The following ADK variants were observed in gnomAD, a reference collection of about 807,000 sequenced individuals.
ADK encodes adenosine kinase, also known as N6,N6-dimethyladenosine kinase.
ADK carries 24 observed loss-of-function variants against 44.7 expected under a neutral mutation model. That is an observed-to-expected ratio of 0.54 (90% CI 0.39 to 0.76). ADK has a LOEUF of 0.76. Ranked by LOEUF, ADK falls within the 30% of genes least tolerant of loss-of-function variation. The pLI is 0.00. For missense variants in ADK, 321 were observed against 425.1 expected, an observed-to-expected ratio of 0.76 and a Z score of 2.15; for synonymous variants, 128 against 142.6, an observed-to-expected ratio of 0.90 and a Z score of 0.73.
chr10:74,562,880 G>C (rs1451853217), intron 7 of ADK, among the ~76,000 whole-genome samples: 1 of 151,944 alleles, frequency 6.6e-6, no homozygotes, highest in Non-Finnish European at 1.5e-5. Context: ...TTTGGATTTT[G>C]TATTCAGTTT....
chr10:74,332,361 T>C (rs1435495843), intron 4 of ADK, among the ~76,000 whole-genome samples: 1 of 152,198 alleles, frequency 6.6e-6, no homozygotes, highest in East Asian at 1.9e-4. Flanking sequence ...TGTCTAGCCA[T>C]AGCTATTCTA....
chr10:74,177,489 A>G (rs911120717), intron 1 of ADK, among the ~76,000 whole-genome samples: 1 of 152,188 alleles, frequency 6.6e-6, no homozygotes, highest in Non-Finnish European at 1.5e-5. Context: ...AGCGAAATCC[A>G]TGAAACTGGA....
intron 2 of ADK, among the ~76,000 whole-genome samples, chr10:74,201,642 GTATA>G (rs760115034): frequency 3.6e-5 from 5 of 140,540 alleles, no homozygotes; most frequent in Admixed American, 7.2e-5. Context: ...GTGTGTGTGT[GTATA>G]TGTATGTATG....
intron 6 of ADK, among the ~76,000 whole-genome samples, chr10:74,476,121 C>A (rs2133324494): frequency 6.6e-6 from 1 of 152,230 alleles, no homozygotes; most frequent in African/African-American, 2.4e-5. Flanking sequence ...ACTTCCTTCT[C>A]TGATAGTGAG....
intron 3 of ADK, among the ~76,000 whole-genome samples, chr10:74,274,024 CAT>C (rs1491470014): frequency 6.6e-6 from 1 of 151,938 alleles, no homozygotes; most frequent in African/African-American, 2.4e-5. Context: ...AAGGCTTAAA[CAT>C]TTTTTTTTTG....
intron 6 of ADK, among the ~76,000 whole-genome samples, chr10:74,476,536 A>G (rs1344608705): frequency 2.6e-5 from 4 of 152,122 alleles, no homozygotes; most frequent in Non-Finnish European, 5.9e-5. Flanking sequence ...TGATAAACCA[A>G]TTTACCAGAA....
chr10:74,470,779 T>C (rs1048576513), intron 6 of ADK, among the ~76,000 whole-genome samples: 1 of 152,092 alleles, frequency 6.6e-6, no homozygotes, highest in African/African-American at 2.4e-5. Context: ...CAATAGTTTG[T>C]AAGTTTGGTA....
chr10:74,421,358 G>C (rs1428490481), intron 6 of ADK, among the ~76,000 whole-genome samples: 1 of 152,160 alleles, frequency 6.6e-6, no homozygotes, highest in African/African-American at 2.4e-5. Flanking sequence ...GTTTCTCACT[G>C]TCAGGAAGGG....
intron 1 of ADK, among the ~76,000 whole-genome samples, chr10:74,177,868 C>A (rs573905576): frequency 2.0e-5 from 3 of 151,002 alleles, no homozygotes; most frequent in Admixed American, 1.3e-4. Flanking sequence ...ACCTAACCCT[C>A]AGTAAGATCT....
intron 6 of ADK, among the ~76,000 whole-genome samples, chr10:74,515,378 C>G (rs1179967752): frequency 6.6e-6 from 1 of 152,074 alleles, no homozygotes; most frequent in African/African-American, 2.4e-5. Flanking sequence ...GTAGGTCAGC[C>G]AACTTGGTTG....
chr10:74,597,060 T>C (rs1435571012), intron 8 of ADK, among the ~76,000 whole-genome samples: 3 of 152,236 alleles, frequency 2.0e-5, no homozygotes, highest in Non-Finnish European at 4.4e-5. Context: ...TAATTGAATG[T>C]TCCATATTCA....
chr10:74,491,261 C>T (rs1420308052), intron 6 of ADK, among the ~76,000 whole-genome samples: 2 of 151,968 alleles, frequency 1.3e-5, no homozygotes, highest in East Asian at 1.9e-4. Flanking sequence ...CATTTCCTTA[C>T]AATTTATTAT....
chr10:74,190,837 G>C (rs1417492367), intron 1 of ADK, among the ~76,000 whole-genome samples: 1 of 152,160 alleles, frequency 6.6e-6, no homozygotes, highest in Non-Finnish European at 1.5e-5. Context: ...GCTGGGAAGA[G>C]GGGCATGGGA....
At chr10:74,459,737 AAAAAAG>A in intron 6 of ADK, among the ~76,000 whole-genome samples, 1 of 145,772 alleles carries the variant, frequency 6.9e-6, no homozygotes, top group Non-Finnish European at 1.5e-5. Flanking sequence ...CAAAAAAAAA[AAAAAAG>A]AAAAAAAAGA....
chr10:74,442,036 C>T (rs191319773), intron 6 of ADK, among the ~76,000 whole-genome samples: 2 of 152,048 alleles, frequency 1.3e-5, no homozygotes, highest in East Asian at 3.9e-4. Context: ...ACCTATAGTG[C>T]CAGCTACTTA....
At chr10:74,310,100 G>A (rs1166128311) in intron 3 of ADK, among the ~76,000 whole-genome samples, 1 of 152,050 alleles carries the variant, frequency 6.6e-6, no homozygotes, top group Admixed American at 6.6e-5. Flanking sequence ...ATCAGGTACT[G>A]TCCTTCCAAT....
intron 3 of ADK, 117 bp from the exon 4 acceptor site, chr10:74,314,550 C>A: frequency 1.4e-6 from 1 of 695,336 alleles, no homozygotes; most frequent in South Asian, 1.6e-5. Context: ...ATTCAACATA[C>A]TTAAACAATA....
At chr10:74,351,903 A>G (rs1841974687) in intron 4 of ADK, among the ~76,000 whole-genome samples, 1 of 152,228 alleles carries the variant, frequency 6.6e-6, no homozygotes, top group Middle Eastern at 3.2e-3. Flanking sequence ...CCACTGCCCA[A>G]GAAAATAAGA....
At chr10:74,347,330 C>T (rs1465245239) in intron 4 of ADK, among the ~76,000 whole-genome samples, 1 of 151,864 alleles carries the variant, frequency 6.6e-6, no homozygotes, top group African/African-American at 2.4e-5. Flanking sequence ...GTGCAAGGAG[C>T]TGGGGGACCT....
Sources: allele counts gnomAD v4.1 joint callset (sites outside exome capture counted in the v4.1 genomes callset), GRCh38; gene constraint gnomAD v4.1.1; transcripts MANE v1.5; gene names NCBI Gene and HGNC (gene_info 2026-07-23, HGNC 2026-07-21).